IL20RA: variants seen among roughly 807,000 people sequenced by gnomAD.
The protein encoded by IL20RA is interleukin-20 receptor subunit alpha.
Under a neutral mutation model 36.5 loss-of-function variants are expected in IL20RA, and 29 were observed. The observed-to-expected ratio is 0.79, with a 90% CI of 0.59 to 1.08. The LOEUF (loss-of-function observed/expected upper bound fraction) is 1.08, where lower values mean the gene tolerates loss of function less well. IL20RA is among the 50% of genes least tolerant of loss of function. The pLI, the probability that IL20RA is intolerant of heterozygous loss-of-function variation, is 0.00. For missense variants in IL20RA, 652 were observed against 668.4 expected, an observed-to-expected ratio of 0.98 and a Z score of 0.27; for synonymous variants, 279 against 267.1, an observed-to-expected ratio of 1.04 and a Z score of -0.43.
At chr6:137,034,946 GAAAA>G (rs11309213) in intron 1 of IL20RA, among the ~76,000 whole-genome samples, 1 of 118,538 alleles carries the variant, frequency 8.4e-6, no homozygotes, top group Non-Finnish European at 1.8e-5. Flanking sequence ...CTCCATCTCA[GAAAA>G]AAAAAAAAAA....
intron 2 of IL20RA, 52 bp from the exon 3 acceptor site, chr6:137,011,504 T>A: frequency 8.3e-7 from 1 of 1,209,226 alleles, no homozygotes; most frequent in Admixed American, 2.6e-5. Flanking sequence ...TACTTTACAA[T>A]AAAAAAACTC....
chr6:137,014,312 A>G (rs1430674141), intron 2 of IL20RA, among the ~76,000 whole-genome samples: 1 of 152,244 alleles, frequency 6.6e-6, no homozygotes, highest in African/African-American at 2.4e-5. Flanking sequence ...ATCAAAAGAG[A>G]AACAAATCAT....
At position 137,001,785 on chromosome 6, in the gene IL20RA, G is replaced by A. The variant is rs1775053573; in HGVS notation, c.1435C>T (p.Leu479=). The part of the protein sequence containing the change: ...EGPEEEPSTT[L]VDWDPQTGRL... ...CCAGTTTGGGGATCCCAGTCGACCAGGGTCGTCGATGGCTCTTCCTCCGGC... is the reference window on the plus strand; with the variant it reads ...CCAGTTTGGGGATCCCAGTCGACCAAGGTCGTCGATGGCTCTTCCTCCGGC... The change falls in exon 7 of 7, where the codon CTG becomes TTG. Residue 479 remains leucine, a synonymous_variant. Transcript: ENST00000316649. 6.2e-7 allele frequency: 1 copy of A among 1,613,058 alleles called. No individual in the cohort carries two copies. Among genetic ancestry groups the A allele is most frequent in the South Asian group, 1.1e-5 (1 of 90,936 alleles).
intron 1 of IL20RA, among the ~76,000 whole-genome samples, chr6:137,017,724 G>A (rs1039712722): frequency 6.6e-6 from 1 of 151,726 alleles, no homozygotes; most frequent in African/African-American, 2.4e-5. Flanking sequence ...ATATAGTAAA[G>A]CAATAATTAG....
Position 137,041,654 on chromosome 6 carries a change from A to AT in IL20RA, c.88+2986dup, listed in dbSNP as rs1278121193. ...TATCAAAGAAGAGACATTTTGACTAATACTCTCACTCCATTAAGTCATTCT... is the reference window on the plus strand; with the variant it reads ...TATCAAAGAAGAGACATTTTGACTAATTACTCTCACTCCATTAAGTCATTCT... On this transcript the variant is annotated intron_variant, in intron 1 of 6. Transcript: ENST00000316649. Among the ~76,000 whole-genome samples, 11 of 152,260 alleles carry AT rather than the reference A, an allele frequency of 7.2e-5. No homozygotes were observed. In the South Asian group the frequency reaches 1.4e-3, roughly 20 times the overall value.
At chr6:137,007,794 T>G (rs1056651982) in intron 5 of IL20RA, among the ~76,000 whole-genome samples, 1 of 152,202 alleles carries the variant, frequency 6.6e-6, no homozygotes, top group African/African-American at 2.4e-5. Flanking sequence ...CAGACCCTCA[T>G]GCAGCCAATT....
In IL20RA at chr6:137,000,409, A is replaced by AT. The variant is rs1179268676; in HGVS notation, c.*1148dup. The AT allele has an allele frequency of 1.3e-5, 2 of 152,204 alleles. No individual in the cohort carries two copies. The highest frequency in any genetic ancestry group is 2.4e-5 in the African/African-American group (1 of 41,460). 9.4% of individuals were successfully genotyped at this position (152,204 alleles called of 1,614,324 possible). A position where few individuals can be genotyped will look rare whatever the true frequency, so the allele number is the denominator to read the frequency against. Reference sequence around the variant, plus strand: ...AATTATATATGGTTCAACTTAATAGATTTTGTCCCATTTTAAAGCAGCGTG... The same window carrying AT: ...AATTATATATGGTTCAACTTAATAGATTTTTGTCCCATTTTAAAGCAGCGTG... On this transcript the variant is annotated 3_prime_UTR_variant, in exon 7 of 7. Coordinates refer to ENST00000316649, the MANE Select transcript of IL20RA (RefSeq NM_014432.4).
intron 2 of IL20RA, among the ~76,000 whole-genome samples, chr6:137,015,648 T>TTTTGTTTG (rs369289244): frequency 2.0e-5 from 3 of 152,054 alleles, no homozygotes; most frequent in Non-Finnish European, 2.9e-5. Flanking sequence ...TCTCCATAAT[T>TTTTGTTTG]TTTGTTTGTT....
chr6:137,043,477 G>A (rs368441230), intron 1 of IL20RA, among the ~76,000 whole-genome samples: 63 of 152,186 alleles, frequency 4.1e-4, no homozygotes, highest in African/African-American at 1.5e-3. Context: ...CACGTCAGTC[G>A]TTTCTTCCCA....
chr6:137,008,865 CTTTTTT>C (rs3041890), intron 4 of IL20RA, 122 bp from the exon 5 acceptor site: 17 of 142,036 alleles, frequency 1.2e-4, no homozygotes, highest in Non-Finnish European at 1.6e-4. Context: ...TCAGTATAAG[CTTTTTT>C]TTTTTTTTTT....
At position 137,004,164 on chromosome 6, in the gene IL20RA, T is replaced by G. The variant is rs1452652587; in HGVS notation, c.864+457A>C. Among the ~76,000 whole-genome samples the G allele has an allele frequency of 5.0e-4, 59 of 119,152 alleles. 12 individuals carry two copies. The highest frequency in any genetic ancestry group is 3.8e-3 in the Middle Eastern group (1 of 260). 78.2% of individuals were successfully genotyped at this position (119,152 alleles called of 152,430 possible). A position where few individuals can be genotyped will look rare whatever the true frequency, so the allele number is the denominator to read the frequency against. ...TAGTCAGCTAATCCAGAAAGCTTTT[T>G]TTTTTTTTTTTTTTTTTTTTTGAGA... On this transcript the variant is annotated intron_variant, in intron 6 of 6. Coordinates refer to ENST00000316649, the MANE Select transcript of IL20RA (RefSeq NM_014432.4).
intron 1 of IL20RA, among the ~76,000 whole-genome samples, chr6:137,018,905 T>C (rs867406184): frequency 5.3e-5 from 8 of 152,154 alleles, no homozygotes; most frequent in African/African-American, 1.9e-4. Flanking sequence ...GTGGTTAGCA[T>C]CTTATACAAA....
chr6:137,014,113 G>A (rs146634025), intron 2 of IL20RA, among the ~76,000 whole-genome samples: 1 of 152,204 alleles, frequency 6.6e-6, no homozygotes, highest in African/African-American at 2.4e-5. Flanking sequence ...TCTAACACTG[G>A]CTCCTGAGAA....
intron 4 of IL20RA, 90 bp downstream of exon 4, chr6:137,009,227 A>G (rs1158654743): frequency 9.5e-7 from 1 of 1,054,722 alleles, no homozygotes; most frequent in Non-Finnish European, 1.5e-6. Context: ...CCAGATTCAC[A>G]TGCAGAGAAT....
chr6:137,043,884 T>C (rs984976522), intron 1 of IL20RA, among the ~76,000 whole-genome samples: 4 of 152,180 alleles, frequency 2.6e-5, no homozygotes, highest in African/African-American at 9.7e-5. Context: ...AAAAAAGCAA[T>C]CAGGTTAATG....
rs770075640 is a variant in IL20RA at position 137,001,731 on chromosome 6, A to C, written c.1489T>G (p.Phe497Val). 3 of 1,613,784 alleles carry C rather than the reference A, an allele frequency of 1.9e-6. No individual in the cohort carries two copies. In the South Asian group the frequency reaches 3.3e-5, roughly 18 times the overall value. Residue 497 changes from phenylalanine to valine, a missense_variant, in exon 7 of 7, where the codon TTC (phenylalanine) becomes GTC (valine). Coordinates refer to ENST00000316649, the MANE Select transcript of IL20RA (RefSeq NM_014432.4). ...GRLCIPSLSS[F>V]DQDSEGCEPS... is the part of the protein sequence containing the mutation. Reference sequence around the variant, plus strand: ...TCGCAGCCCTCTGAATCCTGGTCGAAGCTGGACAGCGAAGGAATACACAGC... The same window carrying C: ...TCGCAGCCCTCTGAATCCTGGTCGACGCTGGACAGCGAAGGAATACACAGC...
At chr6:137,044,446 C>T (rs958553356) in intron 1 of IL20RA, 195 bp downstream of exon 1, 1 of 860,444 alleles carries the variant, frequency 1.2e-6, no homozygotes, top group South Asian at 6.0e-5. Flanking sequence ...GTGCGCGAGG[C>T]GACGGCGAGT....
intron 1 of IL20RA, chr6:137,044,397 G>A (rs1776821196): frequency 6.0e-6 from 6 of 1,008,128 alleles, no homozygotes; most frequent in Non-Finnish European, 7.4e-6. Flanking sequence ...GACCGAAAGT[G>A]CGGAGCGCGG....
Position 137,009,402 on chromosome 6 carries a change from G to A in IL20RA, c.494C>T (p.Pro165Leu). Residue 165 changes from proline (P) to leucine (L), a missense_variant, in exon 4 of 7, where the codon CCA becomes CTA. Physicochemically the swap from Pro to Leu is moderately conservative, Grantham distance 98. Coordinates refer to ENST00000316649, the MANE Select transcript of IL20RA (RefSeq NM_014432.4). ...TTGCATGGAAACAGGAAGGTCTTCT[G>A]GATTTCTCTTCCACTTCTCTGGAGC... ...LTAPEKWKRN[P>L]EDLPVSMQQI... 8 of 1,611,554 alleles carry A rather than the reference G, an allele frequency of 5.0e-6. No homozygotes were observed. Among genetic ancestry groups the A allele is most frequent in the Non-Finnish European group, 6.8e-6 (8 of 1,177,808 alleles).
Sources: gnomAD v4.1 joint callset for allele counts (sites outside exome capture counted in the v4.1 genomes callset) on GRCh38, gnomAD v4.1.1 for gene constraint, MANE v1.5 for transcripts, NCBI Gene and HGNC (gene_info 2026-07-23, HGNC 2026-07-21) for gene names.